The following RRAS2 variants were observed in gnomAD, a reference collection of about 807,000 sequenced individuals.
RRAS2 encodes ras-related protein R-Ras2.
Under a neutral mutation model 27.6 loss-of-function variants are expected in RRAS2, and 7 were observed. The ratio of observed to expected loss-of-function variants is 0.25; its 90% CI spans 0.14 to 0.48. RRAS2 has a LOEUF of 0.48. Ranked by LOEUF, RRAS2 falls within the 20% of genes least tolerant of loss-of-function variation. The pLI is 0.99. For missense variants in RRAS2, 178 were observed against 256.2 expected (o/e 0.69, Z 2.08); for synonymous variants, 86 against 90.9 (o/e 0.95, Z 0.31).
chr11:14,322,570 T>C (rs781992247), intron 1 of RRAS2, among the ~76,000 whole-genome samples: 13 of 152,196 alleles, frequency 8.5e-5, no homozygotes, highest in Non-Finnish European at 1.5e-4. Context: ...TTCCCACAAA[T>C]AACATTTTTT....
At chr11:14,302,160 C>T (rs1473499991) in intron 1 of RRAS2, among the ~76,000 whole-genome samples, 3 of 150,756 alleles carry the variant, frequency 2.0e-5, no homozygotes, top group Non-Finnish European at 4.4e-5. Flanking sequence ...CCTTCTTGAG[C>T]TCCTGCTCAG....
chr11:14,296,246 A>G (rs1432106697), intron 1 of RRAS2, among the ~76,000 whole-genome samples: 2 of 152,134 alleles, frequency 1.3e-5, no homozygotes, highest in African/African-American at 4.8e-5. Flanking sequence ...CCTGCCTACC[A>G]ATGTACCAAT....
upstream of RRAS2, among the ~76,000 whole-genome samples, chr11:14,363,766 G>A (rs958394243): frequency 1.0e-3 from 154 of 147,172 alleles, 1 homozygote; most frequent in African/African-American, 3.7e-3. Flanking sequence ...GCAGGACTCC[G>A]TCTCAAAAAA....
At chr11:14,295,362 G>C (rs1211250139) in intron 2 of RRAS2, among the ~76,000 whole-genome samples, 5 of 152,164 alleles carry the variant, frequency 3.3e-5, no homozygotes, top group Non-Finnish European at 7.4e-5. Flanking sequence ...GGGATGTTTA[G>C]ACACAAAACA....
chr11:14,317,301 CG>C (rs1848128969), intron 1 of RRAS2, among the ~76,000 whole-genome samples: 1 of 152,156 alleles, frequency 6.6e-6, no homozygotes, highest in African/African-American at 2.4e-5. Flanking sequence ...AATCTTAGGC[CG>C]GGCATGGTGG....
upstream of RRAS2, among the ~76,000 whole-genome samples, chr11:14,361,896 T>A (rs1849195741): frequency 1.3e-5 from 2 of 152,178 alleles, no homozygotes. Flanking sequence ...CAATAGAATA[T>A]TATTTGGCAA....
At chr11:14,348,990 G>A (rs912556115) in intron 1 of RRAS2, among the ~76,000 whole-genome samples, 90 of 152,262 alleles carry the variant, frequency 5.9e-4, no homozygotes, top group African/African-American at 1.2e-3. Context: ...TTTTGAGATA[G>A]AGTCTCGCTC....
intron 1 of RRAS2, among the ~76,000 whole-genome samples, chr11:14,342,927 TAGG>T (rs1848746860): frequency 6.6e-6 from 1 of 152,190 alleles, no homozygotes; most frequent in Non-Finnish European, 1.5e-5. Context: ...CAGCTATTGA[TAGG>T]AGTAAAAACG....
rs375810811 is a variant in RRAS2 at position 14,318,270 on chromosome 11, G to A, written c.109-22415C>T. Among the ~76,000 whole-genome samples the A allele has an allele frequency of 3.3e-4, 51 of 152,256 alleles. No individual in the cohort carries two copies. In the East Asian group the frequency reaches 9.1e-3, roughly 27 times the overall value. ...TCCCAGCACTTTGGGAGGCCAAAGCGGGTGGATCACCTGAAGTCAGGGGTT... is the reference window on the plus strand; with the variant it reads ...TCCCAGCACTTTGGGAGGCCAAAGCAGGTGGATCACCTGAAGTCAGGGGTT... On this transcript the variant is annotated intron_variant, in intron 1 of 5. Transcript: ENST00000256196.
At chr11:14,311,303 G>A (rs560340767) in intron 1 of RRAS2, among the ~76,000 whole-genome samples, 1 of 152,266 alleles carries the variant, frequency 6.6e-6, no homozygotes, top group East Asian at 1.9e-4. Flanking sequence ...ATCATCATCA[G>A]ACCACTGCAC....
intron 1 of RRAS2, among the ~76,000 whole-genome samples, chr11:14,316,927 G>T (rs988083333): frequency 3.3e-5 from 5 of 152,166 alleles, no homozygotes; most frequent in Non-Finnish European, 7.4e-5. Context: ...AGTCAAGTAG[G>T]AGGCAAGACA....
intron 1 of RRAS2, among the ~76,000 whole-genome samples, chr11:14,353,480 T>C (rs529737724): frequency 5.3e-5 from 8 of 151,954 alleles, no homozygotes; most frequent in Admixed American, 1.3e-4. Flanking sequence ...TCCCAGCTAC[T>C]TGGGAGGCTG....
chr11:14,302,073 T>TACATACACACAC (rs1554947495), intron 1 of RRAS2, among the ~76,000 whole-genome samples: 1 of 142,362 alleles, frequency 7.0e-6, no homozygotes, highest in Non-Finnish European at 1.5e-5. Flanking sequence ...ACCACACACA[T>TACATACACACAC]ACACACACAC....
intron 1 of RRAS2, among the ~76,000 whole-genome samples, chr11:14,341,290 CATT>C (rs1205685431): frequency 6.6e-6 from 1 of 152,144 alleles, no homozygotes; most frequent in African/African-American, 2.4e-5. Flanking sequence ...CCTCAAACTA[CATT>C]ATGTGGGCAT....
At chr11:14,310,366 TCAGA>T (rs1169981785) in intron 1 of RRAS2, among the ~76,000 whole-genome samples, 1 of 152,124 alleles carries the variant, frequency 6.6e-6, no homozygotes, top group African/African-American at 2.4e-5. Context: ...ACAAGACGAA[TCAGA>T]CAGAGAAAAC....
intron 1 of RRAS2, among the ~76,000 whole-genome samples, chr11:14,310,389 C>G (rs1193116699): frequency 1.3e-5 from 2 of 152,160 alleles, no homozygotes; most frequent in Admixed American, 1.3e-4. Context: ...ACAACAGAGA[C>G]TGGGACCTGG....
chr11:14,337,149 C>A (rs1265778426), intron 1 of RRAS2: 1 of 152,140 alleles, frequency 6.6e-6, no homozygotes, highest in Non-Finnish European at 1.5e-5. Context: ...CCACAGTCAA[C>A]CACAGTTCAA....
intron 1 of RRAS2, among the ~76,000 whole-genome samples, chr11:14,346,967 C>G (rs1212289835): frequency 1.3e-5 from 2 of 152,022 alleles, no homozygotes; most frequent in African/African-American, 4.8e-5. Flanking sequence ...CTAGCTTGGG[C>G]AACAAAATGA....
chr11:14,327,142 C>A (rs555871753), intron 1 of RRAS2, among the ~76,000 whole-genome samples: 34 of 151,846 alleles, frequency 2.2e-4, no homozygotes, highest in Non-Finnish European at 4.3e-4. Context: ...TGTTTAAAAA[C>A]TAAGATGAAG....
Sources: allele counts gnomAD v4.1 joint callset (sites outside exome capture counted in the v4.1 genomes callset), GRCh38; gene constraint gnomAD v4.1.1; transcripts MANE v1.5; gene names NCBI Gene and HGNC (gene_info 2026-07-23, HGNC 2026-07-21).